The following SGCG variants were observed in gnomAD, a reference collection of about 807,000 sequenced individuals.
SGCG encodes the protein sarcoglycan gamma.
Under a neutral mutation model 29.3 loss-of-function variants are expected in SGCG, and 26 were observed. The ratio of observed to expected loss-of-function variants is 0.89; its 90% CI spans 0.65 to 1.23. SGCG has a LOEUF of 1.23. Ranked by LOEUF, SGCG falls within the 50% of genes most tolerant of loss-of-function variation. SGCG has a pLI of 0.00. For synonymous variants in SGCG, 145 were observed against 129.7 expected, an observed-to-expected ratio of 1.12 and a Z score of -0.80; for missense variants, 353 against 356.0, an observed-to-expected ratio of 0.99 and a Z score of 0.07.
chr13:23,294,394 A>T (rs994456786), intron 5 of SGCG, among the ~76,000 whole-genome samples: 4 of 152,184 alleles, frequency 2.6e-5, no homozygotes, highest in Non-Finnish European at 5.9e-5. Flanking sequence ...GAATTGGATT[A>T]TTTGTTTATT....
At chr13:23,232,616 A>T (rs1879154102) in intron 2 of SGCG, among the ~76,000 whole-genome samples, 1 of 152,078 alleles carries the variant, frequency 6.6e-6, no homozygotes, top group African/African-American at 2.4e-5. Flanking sequence ...CCCTGTCTCT[A>T]TTAAAAATAC....
Position 23,276,639 on chromosome 13 carries a change from C to T in SGCG, c.386-2720C>T, listed in dbSNP as rs576664023. ...GCAGAAACGGGGTTTCACCGTGTTG[C>T]CCAGGTTGTCGCGAACTCCTGATGA... On this transcript the variant is annotated intron_variant, in intron 4 of 7. Transcript: ENST00000218867. 1.1e-4 allele frequency among the ~76,000 whole-genome samples: 16 copies of T among 152,226 alleles called. No homozygotes were observed. The South Asian group carries it at 3.3e-3, about 32-fold the overall frequency.
intron 6 of SGCG, among the ~76,000 whole-genome samples, chr13:23,313,863 ACCCCAG>A (rs995690948): frequency 6.6e-6 from 1 of 152,154 alleles, no homozygotes; most frequent in African/African-American, 2.4e-5. Context: ...CCCACCCTTA[ACCCCAG>A]TGGGCACAAT....
In SGCG at chr13:23,274,377, T is replaced by TTTTCTTTC. The variant is rs201369483; in HGVS notation, c.386-4972_386-4965dup. The stretch of plus-strand genomic sequence containing the variant: ...GCCTTTAAGTAATGCAAGGGTGTGT[T>TTTTCTTTC]TTTCTTTCTTTCTTTCTCTTTTTTT... On this transcript the variant is annotated intron_variant, in intron 4 of 7. Coordinates refer to ENST00000218867, the MANE Select transcript of SGCG (RefSeq NM_000231.3). Among the ~76,000 whole-genome samples the TTTTCTTTC allele has an allele frequency of 4.7e-4, 55 of 117,386 alleles. 1 individual carries two copies. The highest frequency in any genetic ancestry group is 9.1e-4 in the Non-Finnish European group (49 of 53,926). The allele number at this position is 117,386 out of a possible 152,430, so 77.0% of individuals were successfully genotyped here. A position where few individuals can be genotyped will look rare whatever the true frequency, so the allele number is the denominator to read the frequency against.
rs190457886 is a variant in SGCG, at chr13:23,227,244, T to C, written c.196-7367T>C. ...AAATCATGTTTGTGACCATAATCATTTGGATGAATTCTTTTAAAGAAATTA... is the reference window on the plus strand; with the variant it reads ...AAATCATGTTTGTGACCATAATCATCTGGATGAATTCTTTTAAAGAAATTA... On this transcript the variant is annotated intron_variant, in intron 2 of 7. Transcript: ENST00000218867. Among the ~76,000 whole-genome samples, 6 of 151,924 alleles carry C rather than the reference T, an allele frequency of 3.9e-5. No homozygotes were observed. In the East Asian group the frequency reaches 1.2e-3, roughly 29 times the overall value.
intron 4 of SGCG, among the ~76,000 whole-genome samples, chr13:23,274,313 C>T (rs893643683): frequency 1.3e-5 from 2 of 151,716 alleles, no homozygotes; most frequent in Non-Finnish European, 2.9e-5. Context: ...AGTTGTAGTC[C>T]TGGCACTTGT....
intron 6 of SGCG, among the ~76,000 whole-genome samples, chr13:23,304,383 T>A (rs896362686): frequency 6.6e-6 from 1 of 152,058 alleles, no homozygotes; most frequent in African/African-American, 2.4e-5. Flanking sequence ...AGGTGTGAGG[T>A]CTAATTCTAA....
intron 4 of SGCG, among the ~76,000 whole-genome samples, chr13:23,271,107 G>A (rs541636369): frequency 1.1e-4 from 17 of 152,224 alleles, no homozygotes; most frequent in African/African-American, 4.1e-4. Flanking sequence ...AGCTATTTGG[G>A]AGGCTGAGGC....
chr13:23,203,603 C>T lies in SGCG; in HGVS notation c.1-92C>T, dbSNP rs114229961. ...ATGACTGGGATGAAAAATATGTTTTCAGGCTCATAGTAAATCAGTATTAAA... is the reference window on the plus strand; with the variant it reads ...ATGACTGGGATGAAAAATATGTTTTTAGGCTCATAGTAAATCAGTATTAAA... On this transcript the variant is annotated intron_variant, in intron 1 of 7. Transcript: ENST00000218867. 822 of 863,784 alleles carry T rather than the reference C, an allele frequency of 9.5e-4. 3 individuals carry two copies. In the African/African-American group the frequency reaches 0.011, roughly 12 times the overall value. 53.5% of individuals were successfully genotyped at this position (863,784 alleles called of 1,614,324 possible).
intron 6 of SGCG, among the ~76,000 whole-genome samples, chr13:23,303,445 C>T (rs1248792560): frequency 6.6e-6 from 1 of 152,250 alleles, no homozygotes; most frequent in Non-Finnish European, 1.5e-5. Flanking sequence ...TGCCCGAGCT[C>T]TCTGCCCACA....
chr13:23,249,371 C>A (rs1363141685), intron 3 of SGCG, among the ~76,000 whole-genome samples: 1 of 152,136 alleles, frequency 6.6e-6, no homozygotes, highest in Admixed American at 6.5e-5. Context: ...CAGGGCATGT[C>A]AACATTTCGC....
chr13:23,224,406 A>T (rs1446002700), intron 2 of SGCG, among the ~76,000 whole-genome samples: 5 of 152,134 alleles, frequency 3.3e-5, no homozygotes, highest in Non-Finnish European at 7.4e-5. Context: ...CCAGATGGGG[A>T]TCTAGTCTAA....
chr13:23,318,204 A>ATC (rs72478927), intron 6 of SGCG, among the ~76,000 whole-genome samples: 53,110 of 149,962 alleles, frequency 0.35, 10,785 homozygotes, highest in Non-Finnish European at 0.44. Context: ...TCCTACTATA[A>ATC]CTACTAGTTA....
At chr13:23,270,076 G>A (rs1167435500) in intron 4 of SGCG, among the ~76,000 whole-genome samples, 2 of 151,846 alleles carry the variant, frequency 1.3e-5, no homozygotes, top group African/African-American at 4.8e-5. Context: ...GGGTTTCACC[G>A]TGTTAGCCAG....
At position 23,203,780 on chromosome 13, in the gene SGCG, A is replaced by C; in HGVS notation, c.86A>C (p.Tyr29Ser). Residue 29 changes from tyrosine to serine, a missense_variant, in exon 2 of 8, where the codon TAT (tyrosine) becomes TCT (serine). Coordinates refer to ENST00000218867, the MANE Select transcript of SGCG (RefSeq NM_000231.3). ...CAGTATGTCTACAAAATTGGCATTT[A>C]TGGCTGGAGAAAGCGCTGTCTCTAC... The part of the protein sequence containing the change: ...ENQYVYKIGI[Y>S]GWRKRCLYLF... 6.2e-7 allele frequency: 1 copy of C among 1,613,932 alleles called. No individual in the cohort carries two copies. Among genetic ancestry groups the C allele is most frequent in the South Asian group, 1.1e-5 (1 of 91,082 alleles).
intron 2 of SGCG, among the ~76,000 whole-genome samples, chr13:23,220,683 C>T (rs1414836808): frequency 6.6e-6 from 1 of 152,160 alleles, no homozygotes; most frequent in Non-Finnish European, 1.5e-5. Flanking sequence ...AGATGATCAA[C>T]TCCACCAATC....
In SGCG at chr13:23,212,450, G is replaced by A. The variant is rs531045245; in HGVS notation, c.195+8561G>A. ...AGGATCATGTCAGTTGAGCCTGGTA[G>A]CATAAAACTTATGCTCTGTAAGTAT... On this transcript the variant is annotated intron_variant, in intron 2 of 7. Transcript: ENST00000218867. Among the ~76,000 whole-genome samples, 17 of 152,018 alleles carry A rather than the reference G, an allele frequency of 1.1e-4. No individual in the cohort carries two copies. In the South Asian group the frequency reaches 2.7e-3, roughly 24 times the overall value.
At chr13:23,236,094 G>A (rs1311699253) in intron 3 of SGCG, among the ~76,000 whole-genome samples, 1 of 152,192 alleles carries the variant, frequency 6.6e-6, no homozygotes, top group Non-Finnish European at 1.5e-5. Flanking sequence ...TAATAGGCAG[G>A]TAAGAGCCTG....
chr13:23,206,249 T>A (rs1291591700), intron 2 of SGCG, among the ~76,000 whole-genome samples: 1 of 152,212 alleles, frequency 6.6e-6, no homozygotes, highest in Admixed American at 6.5e-5. Flanking sequence ...GGTACAATGT[T>A]GTACAGCAGC....
Sources: gnomAD v4.1 joint callset for allele counts (sites outside exome capture counted in the v4.1 genomes callset) on GRCh38, gnomAD v4.1.1 for gene constraint, MANE v1.5 for transcripts, NCBI Gene and HGNC (gene_info 2026-07-23, HGNC 2026-07-21) for gene names.